The following ZNF865 variants were observed in gnomAD, a reference collection of about 807,000 sequenced individuals.
ZNF865 encodes the protein zinc finger protein 865.
For missense variants in ZNF865, 1,311 were observed against 1,593.4 expected, an observed-to-expected ratio of 0.82 and a Z score of 3.02; for synonymous variants, 763 against 750.8, an observed-to-expected ratio of 1.02 and a Z score of -0.27.
rs181624781 is a variant in ZNF865 at position 55,612,443 on chromosome 19, C to T, written c.-26-1150C>T. The T allele has an allele frequency of 1.1e-4, 17 of 152,318 alleles. No homozygotes were observed. In the East Asian group the frequency reaches 3.1e-3, roughly 28 times the overall value. The allele number at this position is 152,318 out of a possible 1,614,324, so 9.4% of individuals were successfully genotyped here. On this transcript the variant is annotated intron_variant, in intron 1 of 1. Transcript: ENST00000568956. The stretch of plus-strand genomic sequence containing the variant: ...CTTTTTTCAGTTCTCTAGGCTTGTC[C>T]TGACTTCCCCATTTCTACTACTAGT...
chr19:55,613,795 C>T lies in ZNF865; in HGVS notation c.177C>T (p.Pro59=). 1 of 1,527,184 alleles carries T rather than the reference C, an allele frequency of 6.5e-7. No homozygotes were observed. The allele number at this position is 1,527,184 out of a possible 1,614,324, so 94.6% of individuals were successfully genotyped here. Residue 59 remains proline, a synonymous_variant, in exon 2 of 2, where the codon CCC becomes CCT. Transcript: ENST00000568956. ...ACGCCAAGGCGGTGGCGGCCCTGCC[C>T]TGCGCCCCCGGCCCCCCGCCGCAGC... is the stretch of plus-strand genomic sequence containing the variant. ...GEHAKAVAAL[P]CAPGPPPQPP...
At position 55,615,881 on chromosome 19, in the gene ZNF865, G is replaced by C; in HGVS notation, c.2263G>C (p.Gly755Arg). 1 of 1,477,090 alleles carries C rather than the reference G, an allele frequency of 6.8e-7. No individual in the cohort carries two copies. The highest frequency in any genetic ancestry group is 1.8e-4 in the Middle Eastern group (1 of 5,552). 91.5% of individuals were successfully genotyped at this position (1,477,090 alleles called of 1,614,324 possible). ...CAGCGTGCTGGACAACGGGCTGGCG[G>C]GGGAGGTGGGGGCGGCCGTGGCGGC... ...AASVLDNGLA[G>R]EVGAAVAALA... The change falls in exon 2 of 2, where the codon GGG becomes CGG. Residue 755 changes from glycine to arginine, a missense_variant. Gly to Arg is a moderately radical substitution (Grantham distance 125, BLOSUM62 -2). Coordinates refer to ENST00000568956, the MANE Select transcript of ZNF865 (RefSeq NM_001195605.2).
chr19:55,613,311 T>G (rs750259318), intron 1 of ZNF865, among the ~76,000 whole-genome samples: 3 of 150,854 alleles, frequency 2.0e-5, no homozygotes, highest in Admixed American at 2.0e-4. Flanking sequence ...CCAGAAAAGA[T>G]GGGGAGAGAT....
chr19:55,614,930 C>T lies in ZNF865; in HGVS notation c.1312C>T (p.Arg438Trp). ...CGCGGGGGCGGGCGCCGGGGGGCCT[C>T]GGCCCGTGTACCCCTGCGACCTGTG... Reference protein sequence around the residue: ...AHAGAGAGGPRPVYPCDLCGK... With the variant: ...AHAGAGAGGPWPVYPCDLCGK... Residue 438 changes from arginine to tryptophan, a missense_variant, in exon 2 of 2, where the codon CGG becomes TGG. Coordinates refer to ENST00000568956, the MANE Select transcript of ZNF865 (RefSeq NM_001195605.2). The surrounding 1 kb of genome is among the most constrained non-coding windows in gnomAD (Gnocchi z 8.0). 1 of 1,485,856 alleles carries T rather than the reference C, an allele frequency of 6.7e-7. No individual in the cohort carries two copies. Among genetic ancestry groups the T allele is most frequent in the East Asian group, 2.5e-5 (1 of 39,714 alleles). The allele number at this position is 1,485,856 out of a possible 1,614,324, so 92.0% of individuals were successfully genotyped here.
At chr19:55,607,062 A>G (rs73056502) in intron 1 of ZNF865, among the ~76,000 whole-genome samples, 9,598 of 152,258 alleles carry the variant, frequency 0.063, 343 homozygotes, top group Middle Eastern at 0.099. Flanking sequence ...CAAGAACAAG[A>G]GGAAGGAAGC....
Position 55,616,293 on chromosome 19 carries a change from G to A in ZNF865, c.2675G>A (p.Arg892Gln), listed in dbSNP as rs1429603816. The A allele has an allele frequency of 6.6e-7, 1 of 1,518,768 alleles. No individual in the cohort carries two copies. The highest frequency in any genetic ancestry group is 8.8e-7 in the Non-Finnish European group (1 of 1,137,766). 94.1% of individuals were successfully genotyped at this position (1,518,768 alleles called of 1,614,324 possible). Residue 892 changes from arginine to glutamine, a missense_variant, in exon 2 of 2, where the codon CGG becomes CAG. Transcript: ENST00000568956. Reference protein sequence around the residue: ...GRGFLRSWYLRQHRVVHTGER... With the variant: ...GRGFLRSWYLQQHRVVHTGER... ...GGCTTCCTGCGCTCCTGGTACCTGC[G>A]GCAGCACCGCGTGGTGCACACTGGC...
rs889656366 is a variant in ZNF865, at chr19:55,615,484, C to A, written c.1866C>A (p.Thr622=). The A allele has an allele frequency of 1.5e-5, 22 of 1,509,964 alleles. No individual in the cohort carries two copies. In the African/African-American group the frequency reaches 3.1e-4, roughly 21 times the overall value. The allele number at this position is 1,509,964 out of a possible 1,614,324, so 93.5% of individuals were successfully genotyped here. A position where few individuals can be genotyped will look rare whatever the true frequency, so the allele number is the denominator to read the frequency against. The change falls in exon 2 of 2, where the codon ACC becomes ACA. Residue 622 remains threonine, a synonymous_variant. Coordinates refer to ENST00000568956, the MANE Select transcript of ZNF865 (RefSeq NM_001195605.2). ...TCTTCGGCTACCCGCAGAGCCTCAC[C>A]CGCCACCGCCAGGTGCACCGGCTCC... ...GKVFGYPQSL[T]RHRQVHRLQL... is the part of the protein sequence containing the mutation.
At chr19:55,607,045 T>G (rs1980969175) in intron 1 of ZNF865, among the ~76,000 whole-genome samples, 2 of 152,028 alleles carry the variant, frequency 1.3e-5, no homozygotes. Flanking sequence ...AGTGGAAGAT[T>G]TGAAGGCAAG....
In ZNF865 at chr19:55,615,972, C is replaced by A. The variant is rs1240073530; in HGVS notation, c.2354C>A (p.Ala785Asp). The change falls in exon 2 of 2, where the codon GCC becomes GAC. Residue 785 changes from alanine (A) to aspartate (D), a missense_variant. By Grantham distance (126) the Ala-to-Asp change is moderately radical. Coordinates refer to ENST00000568956, the MANE Select transcript of ZNF865 (RefSeq NM_001195605.2). ...GCGGTGGCAGGTGCTGGCGGGGGTG[C>A]CAGTTCCGGCCCCGAGCGCTTCAGC... ...GAAVAGAGGG[A>D]SSGPERFSCA... is the part of the protein sequence containing the mutation. 1 of 1,509,170 alleles carries A rather than the reference C, an allele frequency of 6.6e-7. No homozygotes were observed. Among genetic ancestry groups the A allele is most frequent in the Admixed American group, 2.0e-5 (1 of 49,352 alleles). 93.5% of individuals were successfully genotyped at this position (1,509,170 alleles called of 1,614,324 possible).
intron 1 of ZNF865, among the ~76,000 whole-genome samples, chr19:55,609,667 T>G (rs922849539): frequency 6.6e-6 from 1 of 152,152 alleles, no homozygotes; most frequent in Non-Finnish European, 1.5e-5. Context: ...TCCCCACTTA[T>G]AAGATGGGCC....
Position 55,613,596 on chromosome 19 carries a change from C to T in ZNF865, c.-23C>T. ...AGCCCCGTCCTCCTCTTCACAGGGT[C>T]TCCCGTCTCCCACCCGCCGGAGATG... is the stretch of plus-strand genomic sequence containing the variant. On this transcript the variant is annotated 5_prime_UTR_variant, in exon 2 of 2. Transcript: ENST00000568956. 6.0e-6 allele frequency: 9 copies of T among 1,496,912 alleles called. No homozygotes were observed. The highest frequency in any genetic ancestry group is 8.0e-6 in the Non-Finnish European group (9 of 1,128,048). 92.7% of individuals were successfully genotyped at this position (1,496,912 alleles called of 1,614,324 possible).
Position 55,614,827 on chromosome 19 carries a change from C to A in ZNF865, c.1209C>A (p.Asp403Glu). 3 of 1,536,150 alleles carry A rather than the reference C, an allele frequency of 2.0e-6. No individual in the cohort carries two copies. The highest frequency in any genetic ancestry group is 2.6e-6 in the Non-Finnish European group (3 of 1,147,688). The change falls in exon 2 of 2, where the codon GAC (aspartate) becomes GAA (glutamate). Residue 403 changes from aspartate (D) to glutamate (E), a missense_variant. Asp to Glu is a conservative substitution (Grantham distance 45). Coordinates refer to ENST00000568956, the MANE Select transcript of ZNF865 (RefSeq NM_001195605.2). This position sits in a 1 kb window ranked among gnomAD's most constrained non-coding sequence, Gnocchi z 8.0. ...GCCACGTGAAGACGCACTCGGCCGA[C>A]CTCCTGCGCCTGCCCTGCGGCATCT... is the stretch of plus-strand genomic sequence containing the variant. ...LKRHVKTHSA[D>E]LLRLPCGICG...
intron 1 of ZNF865, among the ~76,000 whole-genome samples, chr19:55,610,800 C>A (rs928740561): frequency 1.3e-5 from 2 of 152,140 alleles, no homozygotes; most frequent in Non-Finnish European, 2.9e-5. Context: ...TAATGAAACA[C>A]CTGCGGCTGG....
rs1270889457 is a variant in ZNF865 at position 55,614,619 on chromosome 19, C to T, written c.1001C>T (p.Ala334Val). 4.6e-6 allele frequency: 7 copies of T among 1,528,678 alleles called. No homozygotes were observed. The South Asian group carries it at 8.4e-5, about 18-fold the overall frequency. 94.7% of individuals were successfully genotyped at this position (1,528,678 alleles called of 1,614,324 possible). The change falls in exon 2 of 2, where the codon GCT (alanine) becomes GTT (valine). Residue 334 changes from alanine (A) to valine (V), a missense_variant. Ala to Val is a moderately conservative substitution (Grantham distance 64). Transcript: ENST00000568956. This position sits in a 1 kb window ranked among gnomAD's most constrained non-coding sequence, Gnocchi z 8.0. ...APSADGSAAP[A>V]GVGVPPPATG... ...TCCGCAGACGGGAGCGCCGCCCCTGCTGGTGTTGGGGTGCCCCCTCCTGCC... is the reference window on the plus strand; with the variant it reads ...TCCGCAGACGGGAGCGCCGCCCCTGTTGGTGTTGGGGTGCCCCCTCCTGCC...
chr19:55,610,555 C>T (rs1475301029), intron 1 of ZNF865, among the ~76,000 whole-genome samples: 1 of 152,230 alleles, frequency 6.6e-6, no homozygotes, highest in Admixed American at 6.5e-5. Context: ...GCCACCGCAC[C>T]TGGCCAGCAT....
Position 55,615,729 on chromosome 19 carries a change from A to G in ZNF865, c.2111A>G (p.Lys704Arg). 6.5e-7 allele frequency: 1 copy of G among 1,534,114 alleles called. No homozygotes were observed. The highest frequency in any genetic ancestry group is 8.7e-7 in the Non-Finnish European group (1 of 1,146,032). ...EKPYGCDACG[K>R]TFGFIENLMW... ...CCATACGGCTGCGACGCCTGCGGCAAGACCTTCGGCTTCATCGAGAACCTC... is the reference window on the plus strand; with the variant it reads ...CCATACGGCTGCGACGCCTGCGGCAGGACCTTCGGCTTCATCGAGAACCTC... Residue 704 changes from lysine to arginine, a missense_variant, in exon 2 of 2, where the codon AAG becomes AGG. Coordinates refer to ENST00000568956, the MANE Select transcript of ZNF865 (RefSeq NM_001195605.2).
chr19:55,613,753 G>A lies in ZNF865; in HGVS notation c.135G>A (p.Met45Ile). ...EFLNHQRFEPMELYGEHAKAV... is the reference protein window; with the variant it reads ...EFLNHQRFEPIELYGEHAKAV... The stretch of plus-strand genomic sequence containing the variant: ...TCAACCACCAGCGCTTCGAGCCCAT[G>A]GAACTGTATGGGGAACACGCCAAGG... The change falls in exon 2 of 2, where the codon ATG becomes ATA. Residue 45 changes from methionine (M) to isoleucine (I), a missense_variant. Transcript: ENST00000568956. 1.3e-6 allele frequency: 2 copies of A among 1,534,648 alleles called. No individual in the cohort carries two copies. Among genetic ancestry groups the A allele is most frequent in the Admixed American group, 2.0e-5 (1 of 50,946 alleles).
chr19:55,610,289 G>A (rs556093820), intron 1 of ZNF865, among the ~76,000 whole-genome samples: 4 of 152,126 alleles, frequency 2.6e-5, no homozygotes, highest in South Asian at 2.1e-4. Flanking sequence ...AGATGGAGTC[G>A]CGCTCTTGTT....
intron 1 of ZNF865, among the ~76,000 whole-genome samples, chr19:55,609,342 T>C (rs310467): frequency 1 from 152,251 of 152,316 alleles, 76,093 homozygotes; most frequent in Middle Eastern, 1. Flanking sequence ...GTTTAATTTA[T>C]CTCTCTGGCC....
Sources: gnomAD v4.1 joint callset for allele counts (sites outside exome capture counted in the v4.1 genomes callset) on GRCh38, gnomAD v4.1.1 for gene constraint, Gnocchi (gnomAD v3.1) non-coding constraint, MANE v1.5 for transcripts, NCBI Gene and HGNC (gene_info 2026-07-23, HGNC 2026-07-21) for gene names.